The following TNKS variants were observed in gnomAD, a reference collection of about 807,000 sequenced individuals.
TNKS encodes poly [ADP-ribose] polymerase tankyrase-1.
TNKS carries 72 observed loss-of-function variants against 135.8 expected under a neutral mutation model. That is an observed-to-expected ratio of 0.53 (90% CI 0.44 to 0.64). The LOEUF (loss-of-function observed/expected upper bound fraction) is 0.64. Among genes scored for constraint, TNKS ranks in the 30% least tolerant of loss-of-function variants. The probability of loss-of-function intolerance (pLI) is 0.00; values close to 1 mark genes in which losing one functional copy is unlikely to be tolerated. For synonymous variants in TNKS, 849 were observed against 649.3 expected, an observed-to-expected ratio of 1.31 and a Z score of -4.68; for missense variants, 1,769 against 1,674.0, an observed-to-expected ratio of 1.06 and a Z score of -0.99.
At chr8:9,774,582 A>G (rs1340344459) in intron 26 of TNKS, among the ~76,000 whole-genome samples, 1 of 152,218 alleles carries the variant, frequency 6.6e-6, no homozygotes, top group Non-Finnish European at 1.5e-5. Context: ...AGGCCCTTCT[A>G]GTTCTGCAGT....
chr8:9,766,992 C>T (rs922131459), intron 25 of TNKS, among the ~76,000 whole-genome samples: 3 of 152,220 alleles, frequency 2.0e-5, no homozygotes, highest in Middle Eastern at 3.2e-3. Flanking sequence ...TCTTGGCTTT[C>T]TCCCTGGGCT....
At chr8:9,772,145 G>A (rs965466325) in intron 26 of TNKS, among the ~76,000 whole-genome samples, 1 of 150,556 alleles carries the variant, frequency 6.6e-6, no homozygotes, top group Non-Finnish European at 1.5e-5. Flanking sequence ...GACTCATCAT[G>A]TACCCATTAT....
chr8:9,576,520 G>C (rs1797954116), intron 1 of TNKS, among the ~76,000 whole-genome samples: 1 of 149,834 alleles, frequency 6.7e-6, no homozygotes, highest in Non-Finnish European at 1.5e-5. Flanking sequence ...GCCCAGGCTG[G>C]AGTGCAGTGG....
At chr8:9,639,427 AT>A (rs1800641229) in intron 3 of TNKS, among the ~76,000 whole-genome samples, 1 of 151,616 alleles carries the variant, frequency 6.6e-6, no homozygotes, top group African/African-American at 2.4e-5. Context: ...TGAAACATTT[AT>A]TTTTTATTGA....
intron 11 of TNKS, among the ~76,000 whole-genome samples, chr8:9,710,901 A>G (rs938573577): frequency 6.6e-6 from 1 of 152,170 alleles, no homozygotes; most frequent in African/African-American, 2.4e-5. Context: ...GTCTCAAAAA[A>G]AAAAATTGTA....
chr8:9,594,782 T>C (rs1017376619), intron 2 of TNKS, among the ~76,000 whole-genome samples: 1 of 152,198 alleles, frequency 6.6e-6, no homozygotes, highest in Non-Finnish European at 1.5e-5. Context: ...GAATATCCTT[T>C]TCATTACATA....
chr8:9,731,134 A>G, intron 14 of TNKS, 99 bp downstream of exon 14: 1 of 1,319,008 alleles, frequency 7.6e-7, no homozygotes, highest in Non-Finnish European at 1.0e-6. Context: ...TTAAAAAAGT[A>G]ATCGTTATTT....
chr8:9,564,792 T>G (rs1797461367), intron 1 of TNKS, among the ~76,000 whole-genome samples: 1 of 152,240 alleles, frequency 6.6e-6, no homozygotes, highest in African/African-American at 2.4e-5. Flanking sequence ...ATAGGATTAG[T>G]TAAGATAAGA....
chr8:9,679,951 G>A lies in TNKS; in HGVS notation c.995G>A (p.Gly332Asp), dbSNP rs759038807. The change falls in exon 4 of 27, where the codon GGT becomes GAT. Residue 332 changes from glycine (G) to aspartate (D), a missense_variant and splice_region_variant. Physicochemically the swap from Gly to Asp is moderately conservative, Grantham distance 94. Around this residue, in one of 5 missense-constraint regions of TNKS, gnomAD observed 523 missense variants for 541.0 expected, o/e 0.97. Transcript: ENST00000310430. ...ADPSAKAVLT[G>D]EYKKDELLEA... The stretch of plus-strand genomic sequence containing the variant: ...AGCATGATATTTTGCAATCATCTAG[G>A]TGAATACAAGAAAGACGAACTCCTA... 8 of 1,612,534 alleles carry A rather than the reference G, an allele frequency of 5.0e-6. No homozygotes were observed. Among genetic ancestry groups the A allele is most frequent in the Non-Finnish European group, 8.5e-7 (1 of 1,178,738 alleles).
At chr8:9,756,253 C>T (rs1426583027) in intron 20 of TNKS, among the ~76,000 whole-genome samples, 1 of 151,974 alleles carries the variant, frequency 6.6e-6, no homozygotes, top group African/African-American at 2.4e-5. Context: ...AAAGTTAGTT[C>T]TTATTACTCC....
chr8:9,667,430 G>T (rs1004486536), intron 3 of TNKS, among the ~76,000 whole-genome samples: 3 of 152,242 alleles, frequency 2.0e-5, no homozygotes, highest in Non-Finnish European at 4.4e-5. Flanking sequence ...GCCCCTGGAT[G>T]CGTAAGCCTA....
In TNKS at chr8:9,778,193, A is replaced by T. The variant is rs1211322327; in HGVS notation, c.*1457A>T. On this transcript the variant is annotated 3_prime_UTR_variant, in exon 27 of 27. Coordinates refer to ENST00000310430, the MANE Select transcript of TNKS (RefSeq NM_003747.3). ...TCTTACACTTGCCCTTTTCACCTTA[A>T]CTGAATATGAATTGAGTGCACTAAC... 6.6e-6 allele frequency: 1 copy of T among 152,620 alleles called. No individual in the cohort carries two copies. Among genetic ancestry groups the T allele is most frequent in the African/African-American group, 2.4e-5 (1 of 41,468 alleles). The allele number at this position is 152,620 out of a possible 1,614,324, so 9.5% of individuals were successfully genotyped here.
intron 1 of TNKS, among the ~76,000 whole-genome samples, chr8:9,570,486 C>T (rs1413021326): frequency 6.6e-6 from 1 of 152,196 alleles, no homozygotes; most frequent in African/African-American, 2.4e-5. Flanking sequence ...AGAATTACCA[C>T]ATGGCCCAGT....
At chr8:9,759,241 A>C (rs1471541589) in intron 20 of TNKS, among the ~76,000 whole-genome samples, 1 of 152,238 alleles carries the variant, frequency 6.6e-6, no homozygotes, top group South Asian at 2.1e-4. Flanking sequence ...CGTGGCAGCC[A>C]GTTCTTCTAG....
Position 9,556,258 on chromosome 8 carries a change from G to A in TNKS, c.319G>A (p.Ala107Thr). 3 of 1,614,266 alleles carry A rather than the reference G, an allele frequency of 1.9e-6. No homozygotes were observed. The highest frequency in any genetic ancestry group is 2.5e-6 in the Non-Finnish European group (3 of 1,180,046). The part of the protein sequence containing the change: ...CTVAAAPVVP[A>T]VSTSSAAGVA... ...CGTCGCCGCCGCTCCCGTGGTCCCAGCGGTTTCTACTTCATCTGCCGCTGG... is the reference window on the plus strand; with the variant it reads ...CGTCGCCGCCGCTCCCGTGGTCCCAACGGTTTCTACTTCATCTGCCGCTGG... The change falls in exon 1 of 27, where the codon GCG becomes ACG. Residue 107 changes from alanine (A) to threonine (T), a missense_variant. Ala to Thr is a moderately conservative substitution (Grantham distance 58). Transcript: ENST00000310430.
At chr8:9,646,697 A>G (rs1419750411) in intron 3 of TNKS, among the ~76,000 whole-genome samples, 1 of 152,194 alleles carries the variant, frequency 6.6e-6, no homozygotes, top group Non-Finnish European at 1.5e-5. Context: ...TGGATATTTC[A>G]GTACCATTAT....
chr8:9,776,673 T>G lies in TNKS; in HGVS notation c.3921T>G (p.Thr1307=). The change falls in exon 27 of 27, where the codon ACT becomes ACG. Residue 1307 remains threonine (T), a synonymous_variant. Coordinates refer to ENST00000310430, the MANE Select transcript of TNKS (RefSeq NM_003747.3). ...AGGCATACCCAGAGTATCTTATCAC[T>G]TACCAGATCATGAAGCCAGAAGCCC... The part of the protein sequence containing the change: ...GEQAYPEYLI[T]YQIMKPEAPS... The G allele has an allele frequency of 6.2e-7, 1 of 1,614,004 alleles. No individual in the cohort carries two copies. Among genetic ancestry groups the G allele is most frequent in the Non-Finnish European group, 8.5e-7 (1 of 1,179,924 alleles).
chr8:9,627,735 T>G (rs1233299557), intron 3 of TNKS, among the ~76,000 whole-genome samples: 2 of 152,220 alleles, frequency 1.3e-5, no homozygotes, highest in African/African-American at 4.8e-5. Flanking sequence ...AAGAAATGAA[T>G]GTAGCCGGAA....
chr8:9,569,379 A>G (rs1476497239), intron 1 of TNKS, among the ~76,000 whole-genome samples: 2 of 152,232 alleles, frequency 1.3e-5, no homozygotes, highest in African/African-American at 4.8e-5. Flanking sequence ...TCTGCAATCC[A>G]TAAGCTCCTG....
Sources: allele counts gnomAD v4.1 joint callset (sites outside exome capture counted in the v4.1 genomes callset), GRCh38; gene constraint gnomAD v4.1.1; regional missense constraint gnomAD v4.1.1; transcripts MANE v1.5; gene names NCBI Gene and HGNC (gene_info 2026-07-23, HGNC 2026-07-21).